Variants in RFWD3 observed in about 807,000 individuals in gnomAD.
The protein encoded by RFWD3 is ring finger and WD repeat domain 3.
In RFWD3, 65 loss-of-function variants were observed where a neutral mutation model predicts 87.7. The ratio of observed to expected loss-of-function variants is 0.74; its 90% CI spans 0.61 to 0.91. The LOEUF is 0.91. RFWD3 is among the 40% of genes least tolerant of loss of function. RFWD3 has a pLI of 0.00. For synonymous variants in RFWD3, 433 were observed against 352.8 expected (o/e 1.23, Z -2.55); for missense variants, 1,078 against 938.5 (o/e 1.15, Z -1.94).
intron 2 of RFWD3, among the ~76,000 whole-genome samples, chr16:74,652,636 A>G (rs1433334761): frequency 1.3e-5 from 2 of 152,190 alleles, no homozygotes; most frequent in African/African-American, 4.8e-5. Context: ...GTTAGTTTTA[A>G]GATAAAAAAC....
intron 3 of RFWD3, among the ~76,000 whole-genome samples, chr16:74,649,443 T>C (rs964972922): frequency 1.3e-5 from 2 of 152,202 alleles, no homozygotes; most frequent in Non-Finnish European, 2.9e-5. Flanking sequence ...AAGCCACAAG[T>C]ACCCATCACT....
chr16:74,639,235 A>G (rs1156261966), intron 6 of RFWD3, among the ~76,000 whole-genome samples: 1 of 152,094 alleles, frequency 6.6e-6, no homozygotes, highest in Non-Finnish European at 1.5e-5. Flanking sequence ...ACAGGGTTTC[A>G]CCATGTTGCC....
chr16:74,628,443 A>G lies in RFWD3; in HGVS notation c.1969+9T>C, dbSNP rs758187731. 70 of 1,613,358 alleles carry G rather than the reference A, an allele frequency of 4.3e-5. No individual in the cohort carries two copies. The highest frequency in any genetic ancestry group is 5.7e-5 in the Non-Finnish European group (67 of 1,179,488). On this transcript the variant is annotated intron_variant, in intron 11 of 12. Transcript: ENST00000361070. ...CAAATAAGCTATGGGAGACCCCAGC[A>G]CTACTTACCAGGCCTGTAGGTCACA...
chr16:74,644,612 G>A lies in RFWD3; in HGVS notation c.916C>T (p.Arg306Cys), dbSNP rs146196899. The change falls in exon 5 of 13, where the codon CGC becomes TGC. Residue 306 changes from arginine (R) to cysteine (C), a missense_variant. Physicochemically the swap from Arg to Cys is radical, Grantham distance 180. Coordinates refer to ENST00000361070, the MANE Select transcript of RFWD3 (RefSeq NM_018124.4). Reference protein sequence around the residue: ...NAGDHRLSALRCGHLFGYRCI... With the variant: ...NAGDHRLSALCCGHLFGYRCI... ...CTATACCCAAAGAGATGCCCACAGC[G>A]TAATGCTGAGAGCCGGTGGTCCCCA... is the stretch of plus-strand genomic sequence containing the variant. 16 of 1,614,178 alleles carry A rather than the reference G, an allele frequency of 9.9e-6. No homozygotes were observed. The highest frequency in any genetic ancestry group is 8.0e-5 in the African/African-American group (6 of 75,032).
chr16:74,651,825 GA>G (rs755931358), intron 3 of RFWD3, 94 bp downstream of exon 3: 247 of 1,080,808 alleles, frequency 2.3e-4, no homozygotes, highest in Non-Finnish European at 3.1e-4. Context: ...GGAGAAAAGG[GA>G]AAGTGTCAAA....
intron 8 of RFWD3, 158 bp from the exon 9 acceptor site, chr16:74,632,831 A>G (rs1337278684): frequency 4.7e-6 from 3 of 643,720 alleles, no homozygotes; most frequent in Non-Finnish European, 7.9e-6. Context: ...CAATTTATTC[A>G]TTTATTTTTG....
In RFWD3 at chr16:74,652,346, G is replaced by C. The variant is rs1960634856; in HGVS notation, c.519-224C>G. Among the ~76,000 whole-genome samples the C allele has an allele frequency of 3.3e-5, 5 of 152,022 alleles. No homozygotes were observed. The South Asian group carries it at 1.0e-3, about 32-fold the overall frequency. ...GCTACATTAGCCCACAAAGGAGCTT[G>C]ATCCTTCCGTTAAAAGCTAATTCTA... On this transcript the variant is annotated intron_variant, in intron 2 of 12. Transcript: ENST00000361070.
At chr16:74,655,396 C>A (rs563930964) in intron 2 of RFWD3, among the ~76,000 whole-genome samples, 1 of 151,930 alleles carries the variant, frequency 6.6e-6, no homozygotes, top group African/African-American at 2.4e-5. Flanking sequence ...CCCGCCACCA[C>A]GCCTGGCTAA....
intron 2 of RFWD3, among the ~76,000 whole-genome samples, chr16:74,652,639 T>TA (rs1184418477): frequency 3.1e-4 from 47 of 152,248 alleles, no homozygotes; most frequent in African/African-American, 1.1e-3. Flanking sequence ...AGTTTTAAGA[T>TA]AAAAAACATA....
intron 4 of RFWD3, among the ~76,000 whole-genome samples, chr16:74,646,408 GA>G (rs1436024630): frequency 2.0e-5 from 3 of 151,888 alleles, no homozygotes; most frequent in East Asian, 1.9e-4. Flanking sequence ...TTTATATAAA[GA>G]AAAAAAATAT....
rs1187025182 is a variant in RFWD3, at chr16:74,644,460, A to C, written c.988-7T>G. 6.2e-7 allele frequency: 1 copy of C among 1,614,238 alleles called. No homozygotes were observed. The highest frequency in any genetic ancestry group is 1.1e-5 in the South Asian group (1 of 91,088). On this transcript the variant is annotated splice_region_variant and splice_polypyrimidine_tract_variant and intron_variant, in intron 5 of 12. Coordinates refer to ENST00000361070, the MANE Select transcript of RFWD3 (RefSeq NM_018124.4). ...GCCTGGCTTTCTTGTTGCACTAAAG[A>C]ACCCAATAGGACATAATTAGAGTGG...
At chr16:74,630,607 T>C (rs530704690) in intron 10 of RFWD3, among the ~76,000 whole-genome samples, 174 bp downstream of exon 10, 1 of 152,330 alleles carries the variant, frequency 6.6e-6, no homozygotes, top group South Asian at 2.1e-4. Flanking sequence ...ATAGCATGAA[T>C]ACAAACTCTT....
At position 74,659,139 on chromosome 16, in the gene RFWD3, T is replaced by C. The variant is rs369048069; in HGVS notation, c.518+1793A>G. Among the ~76,000 whole-genome samples the C allele has an allele frequency of 3.9e-5, 6 of 152,190 alleles. No homozygotes were observed. In the East Asian group the frequency reaches 1.2e-3, roughly 29 times the overall value. On this transcript the variant is annotated intron_variant, in intron 2 of 12. Coordinates refer to ENST00000361070, the MANE Select transcript of RFWD3 (RefSeq NM_018124.4). The stretch of plus-strand genomic sequence containing the variant: ...CTGTTTTTCTTTGTAAGTTGGCATC[T>C]GGTTTATAAGTGTCACCCTTAAGTT...
At chr16:74,663,300 T>A (rs1033442948) in intron 1 of RFWD3, among the ~76,000 whole-genome samples, 73 of 152,010 alleles carry the variant, frequency 4.8e-4, no homozygotes, top group African/African-American at 1.7e-3. Flanking sequence ...GACACTACTG[T>A]TAAAAGTACA....
chr16:74,640,555 G>T (rs1463485415), intron 6 of RFWD3, among the ~76,000 whole-genome samples: 2 of 151,952 alleles, frequency 1.3e-5, no homozygotes, highest in African/African-American at 4.8e-5. Context: ...CAGCTACTCA[G>T]GATGCTGAGG....
chr16:74,634,839 T>C (rs755153249), intron 8 of RFWD3, among the ~76,000 whole-genome samples: 13 of 151,694 alleles, frequency 8.6e-5, no homozygotes, highest in Non-Finnish European at 1.6e-4. Flanking sequence ...GGCGCAGGTA[T>C]AGGCTTTAAA....
rs372462979 is a variant in RFWD3, at chr16:74,661,476, G to T, written c.-2-25C>A. 3.2e-6 allele frequency: 5 copies of T among 1,551,436 alleles called. No homozygotes were observed. In the African/African-American group the frequency reaches 6.9e-5, roughly 21 times the overall value. Reference sequence around the variant, plus strand: ...ACTAGAGAAACAGTATTTGTAAAAAGTATTAATAAAATAGATAAAACATGC... The same window carrying T: ...ACTAGAGAAACAGTATTTGTAAAAATTATTAATAAAATAGATAAAACATGC... On this transcript the variant is annotated intron_variant, in intron 1 of 12. Coordinates refer to ENST00000361070, the MANE Select transcript of RFWD3 (RefSeq NM_018124.4).
At chr16:74,656,747 T>G (rs1294914548) in intron 2 of RFWD3, among the ~76,000 whole-genome samples, 1 of 152,214 alleles carries the variant, frequency 6.6e-6, no homozygotes, top group Non-Finnish European at 1.5e-5. Context: ...CATGAGCCAC[T>G]GTGCCTTGGG....
chr16:74,657,763 T>C (rs115395367), intron 2 of RFWD3, among the ~76,000 whole-genome samples: 2,548 of 152,288 alleles, frequency 0.017, 73 homozygotes, highest in African/African-American at 0.058. Context: ...TGTGAGCCAC[T>C]GCGCCTAGCC....
Sources: allele counts gnomAD v4.1 joint callset (sites outside exome capture counted in the v4.1 genomes callset), GRCh38; gene constraint gnomAD v4.1.1; transcripts MANE v1.5; gene names NCBI Gene and HGNC (gene_info 2026-07-23, HGNC 2026-07-21).